RELN: variants seen among roughly 807,000 people sequenced by gnomAD.
RELN encodes reelin.
A neutral mutation model predicts 427.6 loss-of-function variants in RELN; 108 were observed. That is an observed-to-expected ratio of 0.25 (90% CI 0.22 to 0.30). RELN has a LOEUF of 0.30. Among genes scored for constraint, RELN ranks in the 10% least tolerant of loss-of-function variants. The pLI, the probability that RELN is intolerant of heterozygous loss-of-function variation, is 1.00. For missense variants in RELN, 3,715 were observed against 4,302.8 expected (o/e 0.86, Z 3.82); for synonymous variants, 1,524 against 1,513.4 (o/e 1.01, Z -0.16).
intron 10 of RELN, among the ~76,000 whole-genome samples, chr7:103,694,402 C>A (rs558410349): frequency 2.0e-5 from 3 of 151,890 alleles, no homozygotes; most frequent in Non-Finnish European, 4.4e-5. Context: ...GTTCCACTTT[C>A]CACATATGAA....
chr7:103,473,513 G>A (rs1347368041), intron 64 of RELN, among the ~76,000 whole-genome samples: 2 of 152,098 alleles, frequency 1.3e-5, no homozygotes, highest in East Asian at 1.9e-4. Flanking sequence ...TTTTATAAAC[G>A]TGGCCTTAGG....
intron 3 of RELN, among the ~76,000 whole-genome samples, chr7:103,815,852 T>C (rs1371283206): frequency 6.6e-6 from 1 of 152,250 alleles, no homozygotes; most frequent in Non-Finnish European, 1.5e-5. Flanking sequence ...TCTGTGTAAA[T>C]GGATTTGAAC....
intron 7 of RELN, 24 bp downstream of exon 7, chr7:103,728,087 T>C (rs373742312): frequency 1.6e-5 from 25 of 1,607,956 alleles, no homozygotes; most frequent in Non-Finnish European, 2.0e-5. Context: ...AATGGAATAA[T>C]GTACATGAAT....
Position 103,630,089 on chromosome 7 carries a change from T to C in RELN, c.2553A>G (p.Glu851=), listed in dbSNP as rs574100318. The C allele has an allele frequency of 1.2e-6, 2 of 1,613,648 alleles. No homozygotes were observed. The highest frequency in any genetic ancestry group is 3.3e-5 in the Admixed American group (2 of 60,008). Reference sequence around the variant, plus strand: ...TAATCTCATCAATAGCCCATACATCTTCTCTCTGGGAAGAATGATACGGTT... The same window carrying C: ...TAATCTCATCAATAGCCCATACATCCTCTCTCTGGGAAGAATGATACGGTT... ...WWQPYHSSQR[E]DVWAIDEIIM... The change falls in exon 20 of 65, where the codon GAA becomes GAG. Residue 851 remains glutamate, a synonymous_variant. Transcript: ENST00000428762.
Position 103,596,679 on chromosome 7 carries a change from A to T in RELN, c.3334-18T>A, listed in dbSNP as rs756539659. 1 of 1,610,592 alleles carries T rather than the reference A, an allele frequency of 6.2e-7. No homozygotes were observed. The highest frequency in any genetic ancestry group is 1.7e-5 in the Admixed American group (1 of 59,970). On this transcript the variant is annotated intron_variant, in intron 24 of 64. Coordinates refer to ENST00000428762, the MANE Select transcript of RELN (RefSeq NM_005045.4). ...TTCCCAGCCTTTCAGAAAAGAAGAA[A>T]AATCAAATTCAGTAATCTGGGAGTT...
rs1367771303 is a variant in RELN, at chr7:103,623,088, A to G, written c.2702+6852T>C. Among the ~76,000 whole-genome samples the G allele has an allele frequency of 3.9e-5, 6 of 152,366 alleles. 1 individual carries two copies. The highest frequency in any genetic ancestry group is 1.4e-4 in the African/African-American group (6 of 41,592). On this transcript the variant is annotated intron_variant, in intron 20 of 64. Transcript: ENST00000428762. ...TTCCATTATGTTAGCCATTTTATAG[A>G]GGCACTGAAAGTCTTCAATACTGAG... is the stretch of plus-strand genomic sequence containing the variant.
At position 103,500,894 on chromosome 7, in the gene RELN, A is replaced by ACTT; in HGVS notation, c.8515_8517dup (p.Lys2839dup). 1 of 1,614,146 alleles carries ACTT rather than the reference A, an allele frequency of 6.2e-7. No individual in the cohort carries two copies. Among genetic ancestry groups the ACTT allele is most frequent in the Non-Finnish European group, 8.5e-7 (1 of 1,179,976 alleles). Reference sequence around the variant, plus strand: ...TCGATTGCCCACTGCATGTCTGAGTACTTCTGATAGAACCTAAACCTTACC... The same window carrying ACTT: ...TCGATTGCCCACTGCATGTCTGAGTACTTCTTCTGATAGAACCTAAACCTTACC... On this transcript the variant is annotated inframe_insertion, in exon 53 of 65. Transcript: ENST00000428762.
Position 103,496,749 on chromosome 7 carries a change from G to A in RELN, c.8970C>T (p.Leu2990=), listed in dbSNP as rs931942559. The stretch of plus-strand genomic sequence containing the variant: ...TGTATTTCTGGTAATCCATCTCATG[G>A]AGCAAAGTCCAGGTAATTCCTATAA... The part of the protein sequence containing the change: ...STDGGITWTL[L]HEMDYQKYIS... The change falls in exon 56 of 65, where the codon CTC becomes CTT. Residue 2990 remains leucine (L), a synonymous_variant. Transcript: ENST00000428762. The A allele has an allele frequency of 4.3e-6, 7 of 1,613,858 alleles. No homozygotes were observed. In the African/African-American group the frequency reaches 6.7e-5, roughly 15 times the overall value.
intron 1 of RELN, among the ~76,000 whole-genome samples, chr7:103,983,863 C>CTGTGTGTGTGTGTG (rs59702742): frequency 2.2e-4 from 32 of 148,542 alleles, no homozygotes; most frequent in African/African-American, 6.7e-4. Flanking sequence ...CTTCATATTT[C>CTGTGTGTGTGTGTG]TGTGTGTGTG....
chr7:103,551,473 T>C lies in RELN; in HGVS notation c.6073-177A>G, dbSNP rs142381704. Reference sequence around the variant, plus strand: ...AATATTGTATATTACCTTGAAATTATAATTTTTCATAAAGAACCTCAAAGG... The same window carrying C: ...AATATTGTATATTACCTTGAAATTACAATTTTTCATAAAGAACCTCAAAGG... On this transcript the variant is annotated intron_variant, in intron 40 of 64. Transcript: ENST00000428762. Among the ~76,000 whole-genome samples the C allele has an allele frequency of 4.1e-3, 627 of 152,328 alleles. 2 individuals carry two copies. The highest frequency in any genetic ancestry group is 0.014 in the African/African-American group (585 of 41,578).
intron 6 of RELN, among the ~76,000 whole-genome samples, chr7:103,735,812 C>T (rs975427932): frequency 1.3e-5 from 2 of 152,090 alleles, no homozygotes; most frequent in African/African-American, 4.8e-5. Flanking sequence ...AATGTATTGC[C>T]ACTGAAGGAG....
At chr7:103,844,913 G>A (rs899988628) in intron 2 of RELN, among the ~76,000 whole-genome samples, 2 of 152,168 alleles carry the variant, frequency 1.3e-5, no homozygotes, top group African/African-American at 4.8e-5. Flanking sequence ...AAATGAGCTG[G>A]AGATCACTCA....
chr7:103,598,443 G>A (rs974356536), intron 24 of RELN, among the ~76,000 whole-genome samples: 1 of 152,136 alleles, frequency 6.6e-6, no homozygotes, highest in African/African-American at 2.4e-5. Context: ...AAAAACTATA[G>A]AACCTAGCAG....
At chr7:103,960,637 C>A (rs1194848962) in intron 1 of RELN, among the ~76,000 whole-genome samples, 1 of 152,030 alleles carries the variant, frequency 6.6e-6, no homozygotes, top group Non-Finnish European at 1.5e-5. Flanking sequence ...GTTCCCAAAG[C>A]AGGATTAGAG....
chr7:103,504,864 C>T (rs573734976), intron 51 of RELN, among the ~76,000 whole-genome samples: 30 of 152,276 alleles, frequency 2.0e-4, no homozygotes, highest in African/African-American at 6.7e-4. Flanking sequence ...AGTCTGAGGT[C>T]GAACTGGGAT....
chr7:103,797,758 T>C (rs1385846966), intron 3 of RELN, among the ~76,000 whole-genome samples: 1 of 152,064 alleles, frequency 6.6e-6, no homozygotes, highest in African/African-American at 2.4e-5. Context: ...AAGGGCAGCA[T>C]GAAAATCCGG....
At chr7:103,712,919 C>A (rs1348318656) in intron 8 of RELN, among the ~76,000 whole-genome samples, 1 of 151,920 alleles carries the variant, frequency 6.6e-6, no homozygotes, top group Non-Finnish European at 1.5e-5. Context: ...CCCATCAATC[C>A]CAGGACTTTT....
chr7:103,871,732 TGA>T (rs997200159), intron 2 of RELN, among the ~76,000 whole-genome samples: 9 of 151,954 alleles, frequency 5.9e-5, no homozygotes, highest in Non-Finnish European at 2.9e-5. Flanking sequence ...GAGAATACGA[TGA>T]GAGAGAGAAG....
chr7:103,939,420 T>C (rs1431303782), intron 1 of RELN, among the ~76,000 whole-genome samples: 1 of 152,160 alleles, frequency 6.6e-6, no homozygotes, highest in Non-Finnish European at 1.5e-5. Context: ...AGTAGTCAGA[T>C]AAAAATTTTT....
Sources: allele counts gnomAD v4.1 joint callset (sites outside exome capture counted in the v4.1 genomes callset), GRCh38; gene constraint gnomAD v4.1.1; transcripts MANE v1.5; gene names NCBI Gene and HGNC (gene_info 2026-07-23, HGNC 2026-07-21).